The following GABRB2 variants were observed in gnomAD, a reference collection of about 807,000 sequenced individuals.
The protein encoded by GABRB2 is gamma-aminobutyric acid receptor subunit beta-2.
In GABRB2, 16 loss-of-function variants were observed where a neutral mutation model predicts 54.7. The observed-to-expected ratio is 0.29, with a 90% CI of 0.20 to 0.44. GABRB2 has a LOEUF of 0.44. GABRB2 is among the 20% of genes least tolerant of loss of function. The pLI is 1.00. For synonymous variants in GABRB2, 244 were observed against 233.8 expected (o/e 1.04, Z -0.40); for missense variants, 355 against 644.0 (o/e 0.55, Z 4.86).
At chr5:161,496,705 G>T (rs112827424) in intron 3 of GABRB2, among the ~76,000 whole-genome samples, 1 of 151,790 alleles carries the variant, frequency 6.6e-6, no homozygotes, top group African/African-American at 2.4e-5. Flanking sequence ...AGGTATATTC[G>T]ACATCATAAT....
chr5:161,363,800 A>C (rs757739953), intron 5 of GABRB2, among the ~76,000 whole-genome samples: 3 of 152,248 alleles, frequency 2.0e-5, no homozygotes, highest in Non-Finnish European at 2.9e-5. Flanking sequence ...ATAGAACATT[A>C]GGAACAGTTA....
At chr5:161,341,934 C>CA (rs1754171076) in intron 5 of GABRB2, among the ~76,000 whole-genome samples, 1 of 54,132 alleles carries the variant, frequency 1.8e-5, no homozygotes, top group African/African-American at 7.9e-5. Flanking sequence ...TTTATTTTTT[C>CA]TTTTATATAT....
chr5:161,341,681 C>A (rs1326899209), intron 5 of GABRB2, among the ~76,000 whole-genome samples: 1 of 151,102 alleles, frequency 6.6e-6, no homozygotes, highest in African/African-American at 2.4e-5. Flanking sequence ...ATAGAAATAC[C>A]ATTTTAAAAC....
chr5:161,346,595 A>G (rs919472110), intron 5 of GABRB2, among the ~76,000 whole-genome samples: 1 of 152,098 alleles, frequency 6.6e-6, no homozygotes, highest in African/African-American at 2.4e-5. Context: ...CTTCACTGGG[A>G]TGGGGTCAGC....
chr5:161,382,664 A>G (rs1306956526), intron 5 of GABRB2, among the ~76,000 whole-genome samples: 1 of 152,134 alleles, frequency 6.6e-6, no homozygotes, highest in East Asian at 1.9e-4. Flanking sequence ...GCTCCTAAGG[A>G]CCTAAAATCT....
chr5:161,546,927 CTTTCG>C (rs1434468834), upstream of GABRB2: 3 of 425,026 alleles, frequency 7.1e-6, no homozygotes, highest in Admixed American at 4.4e-5. Flanking sequence ...TGTTGTTATC[CTTTCG>C]TTAAGACAAA....
chr5:161,498,700 C>T (rs538827182), intron 3 of GABRB2, among the ~76,000 whole-genome samples: 1 of 152,026 alleles, frequency 6.6e-6, no homozygotes, highest in Non-Finnish European at 1.5e-5. Flanking sequence ...GAACACAAGG[C>T]TCTGTGCCAA....
intron 9 of GABRB2, among the ~76,000 whole-genome samples, chr5:161,319,959 T>C (rs1758159909): frequency 6.6e-6 from 1 of 151,880 alleles, no homozygotes; most frequent in South Asian, 2.1e-4. Context: ...TCTAAGATCT[T>C]TGCATAGTTT....
chr5:161,396,556 T>A (rs191791141), intron 5 of GABRB2, among the ~76,000 whole-genome samples: 33 of 152,306 alleles, frequency 2.2e-4, no homozygotes, highest in African/African-American at 7.7e-4. Flanking sequence ...TCCACGGTTT[T>A]CCAAGCCTAG....
chr5:161,302,455 A>G (rs1757566378), intron 9 of GABRB2, among the ~76,000 whole-genome samples: 1 of 152,194 alleles, frequency 6.6e-6, no homozygotes, highest in Non-Finnish European at 1.5e-5. Flanking sequence ...TCCTTGTGAT[A>G]GTCTATAGTC....
intron 3 of GABRB2, among the ~76,000 whole-genome samples, chr5:161,522,937 GTGTA>G (rs1228122255): frequency 1.3e-5 from 2 of 151,376 alleles, no homozygotes; most frequent in African/African-American, 4.8e-5. Flanking sequence ...AATTAAATTT[GTGTA>G]TGTGTGTGTG....
At chr5:161,417,942 C>T (rs1561643193) in intron 4 of GABRB2, among the ~76,000 whole-genome samples, 1 of 151,972 alleles carries the variant, frequency 6.6e-6, no homozygotes, top group Non-Finnish European at 1.5e-5. Context: ...TTGTAATCAC[C>T]AAAAAAAGTA....
At chr5:161,470,294 C>T (rs185270903) in intron 3 of GABRB2, among the ~76,000 whole-genome samples, 2 of 151,966 alleles carry the variant, frequency 1.3e-5, no homozygotes, top group Admixed American at 1.3e-4. Flanking sequence ...ATAGCCCCCA[C>T]TTTATCCATG....
chr5:161,513,084 G>A (rs946165744), intron 3 of GABRB2, among the ~76,000 whole-genome samples: 1 of 151,642 alleles, frequency 6.6e-6, no homozygotes, highest in Admixed American at 6.6e-5. Flanking sequence ...AACAAGAGAT[G>A]CTGGTGGGGC....
At chr5:161,414,996 T>C (rs1264095904) in intron 4 of GABRB2, among the ~76,000 whole-genome samples, 1 of 152,176 alleles carries the variant, frequency 6.6e-6, no homozygotes, top group East Asian at 1.9e-4. Context: ...AACAGAGCTG[T>C]TTCTACAGGA....
At chr5:161,420,033 A>G (rs1302868978) in intron 4 of GABRB2, among the ~76,000 whole-genome samples, 5 of 152,244 alleles carry the variant, frequency 3.3e-5, no homozygotes, top group Non-Finnish European at 5.9e-5. Context: ...CTTACAGACT[A>G]GAAAGCCACT....
chr5:161,513,240 T>C (rs1216075746), intron 3 of GABRB2, among the ~76,000 whole-genome samples: 26 of 151,676 alleles, frequency 1.7e-4, no homozygotes, highest in Admixed American at 1.6e-3. Flanking sequence ...GTTAAAATAA[T>C]AACAGAACTA....
At chr5:161,483,307 G>T (rs981022720) in intron 3 of GABRB2, among the ~76,000 whole-genome samples, 2 of 151,914 alleles carry the variant, frequency 1.3e-5, no homozygotes, top group African/African-American at 4.8e-5. Context: ...GCTATACCAG[G>T]ACAAGACTTC....
chr5:161,469,836 G>C (rs1378968028), intron 3 of GABRB2, among the ~76,000 whole-genome samples: 1 of 151,936 alleles, frequency 6.6e-6, no homozygotes, highest in Admixed American at 6.6e-5. Context: ...TGGCCATGAA[G>C]TACAAGCTCC....
Sources: allele counts gnomAD v4.1 joint callset (sites outside exome capture counted in the v4.1 genomes callset), GRCh38; gene constraint gnomAD v4.1.1; transcripts MANE v1.5; gene names NCBI Gene and HGNC (gene_info 2026-07-23, HGNC 2026-07-21).